Variants in RIMS2 observed in about 807,000 individuals in gnomAD.
RIMS2 encodes regulating synaptic membrane exocytosis 2, also known as regulating synaptic membrane exocytosis protein 2.
A neutral mutation model predicts 174.4 loss-of-function variants in RIMS2; 59 were observed. The observed-to-expected ratio is 0.34, with a 90% CI of 0.27 to 0.42. The LOEUF (loss-of-function observed/expected upper bound fraction) is 0.42. Among genes scored for constraint, RIMS2 ranks in the 10% least tolerant of loss-of-function variants. The pLI, the probability that RIMS2 is intolerant of heterozygous loss-of-function variation, is 1.00. For missense variants in RIMS2, 1,620 were observed against 1,666.3 expected, an observed-to-expected ratio of 0.97 and a Z score of 0.48; for synonymous variants, 606 against 572.5, an observed-to-expected ratio of 1.06 and a Z score of -0.84.
intron 3 of RIMS2, among the ~76,000 whole-genome samples, chr8:103,872,579 C>T (rs900619498): frequency 2.0e-5 from 3 of 152,176 alleles, no homozygotes; most frequent in Non-Finnish European, 2.9e-5. Context: ...TAACAGAGAC[C>T]TGTCTTCCTC....
Position 103,903,541 on chromosome 8 carries a change from A to T in RIMS2, c.1625-6593A>T, listed in dbSNP as rs777654651. Among the ~76,000 whole-genome samples, 3 of 152,300 alleles carry T rather than the reference A, an allele frequency of 2.0e-5. No individual in the cohort carries two copies. The South Asian group carries it at 6.2e-4, about 32-fold the overall frequency. ...CTGTGTATAGAACACACATACACAC[A>T]TAATTAGGTTTGTTTGTATTTTACA... On this transcript the variant is annotated intron_variant, in intron 4 of 23. Transcript: ENST00000504942.
At chr8:103,844,667 T>G (rs924207563) in intron 3 of RIMS2, among the ~76,000 whole-genome samples, 1 of 152,208 alleles carries the variant, frequency 6.6e-6, no homozygotes, top group African/African-American at 2.4e-5. Flanking sequence ...GTTTATTTTT[T>G]CCTAAAAACG....
chr8:103,686,380 T>C (rs1481123378), intron 1 of RIMS2, among the ~76,000 whole-genome samples: 14 of 152,196 alleles, frequency 9.2e-5, no homozygotes. Flanking sequence ...TGATTAGAAG[T>C]AGTGAAAGAG....
At chr8:104,002,236 C>G (rs2095417893) in intron 17 of RIMS2, among the ~76,000 whole-genome samples, 1 of 151,906 alleles carries the variant, frequency 6.6e-6, no homozygotes, top group African/African-American at 2.4e-5. Flanking sequence ...GTTCTTCTGT[C>G]TCAGTAGAGA....
intron 19 of RIMS2, among the ~76,000 whole-genome samples, chr8:104,091,657 A>G (rs568942211): frequency 1.3e-5 from 2 of 150,440 alleles, no homozygotes; most frequent in South Asian, 2.1e-4. Context: ...CATATTATAT[A>G]TATTATATAG....
chr8:103,979,886 AT>A (rs2093748988), intron 16 of RIMS2, among the ~76,000 whole-genome samples: 1 of 152,134 alleles, frequency 6.6e-6, no homozygotes, highest in Non-Finnish European at 1.5e-5. Context: ...TGGAGGGAGC[AT>A]TTGGACCAGA....
chr8:103,549,172 A>T (rs1298551559), intron 1 of RIMS2, among the ~76,000 whole-genome samples: 1 of 152,106 alleles, frequency 6.6e-6, no homozygotes, highest in Non-Finnish European at 1.5e-5. Flanking sequence ...TAATTGTCAG[A>T]TTCACCAAAG....
chr8:103,728,679 T>C (rs1175476218), intron 2 of RIMS2, among the ~76,000 whole-genome samples: 7 of 151,626 alleles, frequency 4.6e-5, no homozygotes, highest in Admixed American at 3.9e-4. Flanking sequence ...AAAAAGTTTT[T>C]CCCTGTACAG....
intron 19 of RIMS2, among the ~76,000 whole-genome samples, chr8:104,215,609 C>G (rs1004154227): frequency 4.6e-5 from 7 of 152,136 alleles, no homozygotes; most frequent in Admixed American, 3.9e-4. Flanking sequence ...TAAGAAGTTG[C>G]TAGGTGATGT....
intron 3 of RIMS2, among the ~76,000 whole-genome samples, chr8:103,816,756 T>C (rs1038328935): frequency 6.6e-6 from 1 of 152,102 alleles, no homozygotes; most frequent in Admixed American, 6.6e-5. Context: ...GCTGGAAAAA[T>C]AAGTCTCTGA....
At chr8:103,603,402 G>C (rs1340049057) in intron 1 of RIMS2, among the ~76,000 whole-genome samples, 51 of 149,046 alleles carry the variant, frequency 3.4e-4, no homozygotes, top group Admixed American at 1.8e-3. Context: ...TATCATTGTT[G>C]GGCATTTGGG....
chr8:104,105,203 G>A (rs1386829551), intron 19 of RIMS2, among the ~76,000 whole-genome samples: 3 of 152,128 alleles, frequency 2.0e-5, no homozygotes, highest in Non-Finnish European at 2.9e-5. Flanking sequence ...TTGGGTGTCG[G>A]GAGGGGCAGA....
chr8:103,649,890 G>A (rs1284333199), intron 1 of RIMS2, among the ~76,000 whole-genome samples: 2 of 152,064 alleles, frequency 1.3e-5, no homozygotes, highest in Non-Finnish European at 2.9e-5. Context: ...AGCAAAGTTT[G>A]TTATTACCCA....
intron 1 of RIMS2, among the ~76,000 whole-genome samples, chr8:103,618,804 T>A (rs1188906294): frequency 1.3e-5 from 2 of 152,106 alleles, no homozygotes; most frequent in African/African-American, 4.8e-5. Flanking sequence ...ATGACTCAAG[T>A]GGAGCAAATG....
chr8:103,918,653 G>A, intron 9 of RIMS2, 166 bp downstream of exon 12: 3 of 574,768 alleles, frequency 5.2e-6, no homozygotes, highest in Non-Finnish European at 9.5e-6. Context: ...GTCACTGTGG[G>A]AAAAACAAAA....
chr8:104,176,941 G>A (rs1187290944), intron 19 of RIMS2, among the ~76,000 whole-genome samples: 1 of 152,026 alleles, frequency 6.6e-6, no homozygotes, highest in Non-Finnish European at 1.5e-5. Context: ...TTTGACATAT[G>A]TAAGAAAGTG....
At chr8:104,081,711 A>G (rs2097423790) in intron 19 of RIMS2, among the ~76,000 whole-genome samples, 1 of 152,088 alleles carries the variant, frequency 6.6e-6, no homozygotes, top group Admixed American at 6.6e-5. Context: ...AACAAGTTGT[A>G]TAATCTTAAT....
intron 1 of RIMS2, among the ~76,000 whole-genome samples, chr8:103,609,525 G>A (rs550099906): frequency 1.3e-5 from 2 of 152,112 alleles, no homozygotes; most frequent in Non-Finnish European, 2.9e-5. Flanking sequence ...TTGAGTTCCT[G>A]TTTGGATATG....
chr8:103,566,439 T>C (rs943739258), intron 1 of RIMS2, among the ~76,000 whole-genome samples: 1 of 152,250 alleles, frequency 6.6e-6, no homozygotes, highest in Non-Finnish European at 1.5e-5. Context: ...TCTGATACCC[T>C]TAACTCTCAG....
Sources: gnomAD v4.1 joint callset for allele counts (sites outside exome capture counted in the v4.1 genomes callset) on GRCh38, gnomAD v4.1.1 for gene constraint, MANE v1.5 for transcripts, NCBI Gene and HGNC (gene_info 2026-07-23, HGNC 2026-07-21) for gene names.